The following ZMAT4 variants were observed in gnomAD, a reference collection of about 807,000 sequenced individuals.
ZMAT4 encodes zinc finger matrin-type 4.
ZMAT4 carries 17 observed loss-of-function variants against 28.7 expected under a neutral mutation model. That is an observed-to-expected ratio of 0.59 (90% CI 0.41 to 0.89). The LOEUF (loss-of-function observed/expected upper bound fraction) is 0.89, where lower values mean the gene tolerates loss of function less well. Ranked by LOEUF, ZMAT4 falls within the 40% of genes least tolerant of loss-of-function variation. The pLI, the probability that ZMAT4 is intolerant of heterozygous loss-of-function variation, is 0.00. For synonymous variants in ZMAT4, 117 were observed against 109.2 expected, an observed-to-expected ratio of 1.07 and a Z score of -0.44; for missense variants, 240 against 283.8, an observed-to-expected ratio of 0.85 and a Z score of 1.11.
chr8:40,880,369 C>CAA (rs542001956), intron 1 of ZMAT4, among the ~76,000 whole-genome samples: 3 of 122,414 alleles, frequency 2.5e-5, no homozygotes, highest in Admixed American at 8.5e-5. Flanking sequence ...AACTCCATCT[C>CAA]AAAAAAAAAA....
Position 40,744,093 on chromosome 8 carries a change from C to T in ZMAT4, c.192+23548G>A, listed in dbSNP as rs767131782. Among the ~76,000 whole-genome samples the T allele has an allele frequency of 3.9e-5, 6 of 152,300 alleles. 1 individual carries two copies. In the South Asian group the frequency reaches 6.2e-4, roughly 16 times the overall value. On this transcript the variant is annotated intron_variant, in intron 3 of 6. Coordinates refer to ENST00000297737, the MANE Select transcript of ZMAT4 (RefSeq NM_024645.3). ...AGCACTGAGCCCAGAAAGATAGAGA[C>T]TAGAATGAGATAACACAGGCCTGTG...
At chr8:40,873,038 A>G (rs1214662452) in intron 1 of ZMAT4, among the ~76,000 whole-genome samples, 1 of 152,070 alleles carries the variant, frequency 6.6e-6, no homozygotes, top group Non-Finnish European at 1.5e-5. Flanking sequence ...TGAAGCCCCA[A>G]GAGGTTAAAA....
chr8:40,585,376 C>A (rs1003105584), intron 5 of ZMAT4, among the ~76,000 whole-genome samples: 2 of 152,054 alleles, frequency 1.3e-5, no homozygotes, highest in African/African-American at 4.8e-5. Context: ...GTGGATGCAT[C>A]CTCCAGTGAT....
intron 1 of ZMAT4, among the ~76,000 whole-genome samples, chr8:40,864,062 C>T (rs1227281950): frequency 2.0e-5 from 3 of 152,174 alleles, no homozygotes; most frequent in Non-Finnish European, 4.4e-5. Flanking sequence ...ATCTGATTCC[C>T]GGATTAAATA....
At chr8:40,589,971 CCCTTCCTTCCTT>C (rs1217316034) in intron 5 of ZMAT4, among the ~76,000 whole-genome samples, 2 of 28,798 alleles carry the variant, frequency 6.9e-5, no homozygotes, top group African/African-American at 3.4e-4. Context: ...TTCCCTCCCT[CCCTTCCTTCCTT>C]CCTTCCTTCC....
At chr8:40,801,352 A>AAAAAAATATATATATATATATATATATG (rs774919666) in intron 2 of ZMAT4, among the ~76,000 whole-genome samples, 13 of 72,142 alleles carry the variant, frequency 1.8e-4, no homozygotes, top group Admixed American at 4.6e-4. Flanking sequence ...AAAAAAAAAA[A>AAAAAAATATATATATATATATATATATG]TATATATATA....
chr8:40,576,772 C>T (rs1272359943), intron 6 of ZMAT4, among the ~76,000 whole-genome samples: 1 of 152,114 alleles, frequency 6.6e-6, no homozygotes, highest in Admixed American at 6.5e-5. Flanking sequence ...GGAATCAAAC[C>T]TTATCACTAC....
intron 5 of ZMAT4, among the ~76,000 whole-genome samples, chr8:40,603,300 A>G (rs1805461553): frequency 6.6e-6 from 1 of 152,200 alleles, no homozygotes; most frequent in Admixed American, 6.5e-5. Context: ...TTTTTACACC[A>G]GTACCATTCT....
intron 5 of ZMAT4, among the ~76,000 whole-genome samples, chr8:40,655,381 A>T (rs1388392766): frequency 6.6e-6 from 1 of 152,062 alleles, no homozygotes; most frequent in Non-Finnish European, 1.5e-5. Context: ...ATATTCCTCA[A>T]AATTATCTAC....
rs1232318129 is a variant in ZMAT4 at position 40,534,127 on chromosome 8, T to A, written c.675-1889A>T. Among the ~76,000 whole-genome samples, 5 of 152,288 alleles carry A rather than the reference T, an allele frequency of 3.3e-5. No individual in the cohort carries two copies. The East Asian group carries it at 9.7e-4, about 29-fold the overall frequency. ...TAAAAGTGGTATATTAAGAACTTAATCCCATAATGAGGAAAAATATCACAT... is the reference window on the plus strand; with the variant it reads ...TAAAAGTGGTATATTAAGAACTTAAACCCATAATGAGGAAAAATATCACAT... On this transcript the variant is annotated intron_variant, in intron 6 of 6. Transcript: ENST00000297737.
intron 1 of ZMAT4, among the ~76,000 whole-genome samples, chr8:40,854,872 C>A (rs1370716813): frequency 6.6e-6 from 1 of 152,086 alleles, no homozygotes; most frequent in African/African-American, 2.4e-5. Flanking sequence ...GGGCTAATTA[C>A]AAAAGGACTA....
At chr8:40,560,888 C>G (rs1803715991) in intron 6 of ZMAT4, among the ~76,000 whole-genome samples, 1 of 152,136 alleles carries the variant, frequency 6.6e-6, no homozygotes, top group Non-Finnish European at 1.5e-5. Flanking sequence ...TAACCTTTTC[C>G]TCTGTTCTCT....
In ZMAT4 at chr8:40,531,463, A is replaced by T. The variant is rs2118337462; in HGVS notation, c.*760T>A. 1 of 152,564 alleles carries T rather than the reference A, an allele frequency of 6.6e-6. No individual in the cohort carries two copies. Among genetic ancestry groups the T allele is most frequent in the African/African-American group, 2.4e-5 (1 of 41,536 alleles). The allele number at this position is 152,564 out of a possible 1,614,324, so 9.5% of individuals were successfully genotyped here. ...ATTCTTCTTTTGGATGCTTTTGGGG[A>T]AAAAAATTCACCAAGGTCAAGGGCT... On this transcript the variant is annotated 3_prime_UTR_variant, in exon 7 of 7. Coordinates refer to ENST00000297737, the MANE Select transcript of ZMAT4 (RefSeq NM_024645.3).
chr8:40,827,587 T>C (rs1157467784), intron 1 of ZMAT4, among the ~76,000 whole-genome samples: 2 of 152,258 alleles, frequency 1.3e-5, no homozygotes, highest in African/African-American at 4.8e-5. Flanking sequence ...GGCATTTGTC[T>C]TCAGCAATTC....
chr8:40,696,433 G>A (rs1585893719), intron 4 of ZMAT4, among the ~76,000 whole-genome samples: 1 of 152,180 alleles, frequency 6.6e-6, no homozygotes, highest in Non-Finnish European at 1.5e-5. Context: ...CGCATGGAAA[G>A]AGTAGGCACC....
intron 4 of ZMAT4, among the ~76,000 whole-genome samples, chr8:40,676,489 G>A (rs893595792): frequency 3.3e-5 from 5 of 152,096 alleles, no homozygotes; most frequent in East Asian, 1.9e-4. Context: ...TAGGGTTGTC[G>A]TTCCAAGGAA....
At chr8:40,605,113 C>T (rs1041200390) in intron 5 of ZMAT4, among the ~76,000 whole-genome samples, 3 of 152,048 alleles carry the variant, frequency 2.0e-5, no homozygotes, top group African/African-American at 7.2e-5. Context: ...TCAATTTTGT[C>T]TTTTCAAACA....
chr8:40,642,082 T>G (rs1585801584), intron 5 of ZMAT4, among the ~76,000 whole-genome samples: 1 of 152,164 alleles, frequency 6.6e-6, no homozygotes, highest in Non-Finnish European at 1.5e-5. Flanking sequence ...ATTTACCAAA[T>G]AAAAATACAG....
intron 6 of ZMAT4, among the ~76,000 whole-genome samples, chr8:40,538,370 G>T (rs1010359294): frequency 6.6e-6 from 1 of 151,986 alleles, no homozygotes; most frequent in African/African-American, 2.4e-5. Context: ...CACCTTTCTG[G>T]ACTAAACCAA....
Sources: allele counts gnomAD v4.1 joint callset (sites outside exome capture counted in the v4.1 genomes callset), GRCh38; gene constraint gnomAD v4.1.1; transcripts MANE v1.5; gene names NCBI Gene and HGNC (gene_info 2026-07-23, HGNC 2026-07-21).